Variants in ASCC3 observed in about 807,000 individuals in gnomAD.
ASCC3 encodes activating signal cointegrator 1 complex subunit 3.
A neutral mutation model predicts 256.3 loss-of-function variants in ASCC3; 158 were observed. The ratio of observed to expected loss-of-function variants is 0.62; its 90% CI spans 0.54 to 0.70. The LOEUF is 0.70. Among genes scored for constraint, ASCC3 ranks in the 30% least tolerant of loss-of-function variants. The pLI is 0.00. For synonymous variants in ASCC3, 948 were observed against 883.4 expected (o/e 1.07, Z -1.30); for missense variants, 2,259 against 2,626.0 (o/e 0.86, Z 3.05).
chr6:100,698,439 C>T (rs1778187455), intron 13 of ASCC3, among the ~76,000 whole-genome samples: 1 of 151,930 alleles, frequency 6.6e-6, no homozygotes, highest in African/African-American at 2.4e-5. Context: ...TTTCTCTGCT[C>T]TAAAATCTAA....
intron 24 of ASCC3, among the ~76,000 whole-genome samples, chr6:100,639,146 A>C (rs1774991085): frequency 6.6e-6 from 1 of 152,222 alleles, no homozygotes; most frequent in Admixed American, 6.5e-5. Context: ...AATCTGTCTC[A>C]AGTGGTAAAA....
At chr6:100,853,390 A>G (rs571792228) in intron 3 of ASCC3, among the ~76,000 whole-genome samples, 2 of 151,668 alleles carry the variant, frequency 1.3e-5, no homozygotes, top group South Asian at 4.2e-4. Context: ...TAAAATATCA[A>G]TCACTTGCAT....
intron 33 of ASCC3, among the ~76,000 whole-genome samples, chr6:100,604,772 T>A (rs1021717163): frequency 6.6e-6 from 1 of 152,084 alleles, no homozygotes; most frequent in African/African-American, 2.4e-5. Context: ...ATCAACATTA[T>A]TAGCACTTAT....
At chr6:100,812,146 G>A (rs1770501586) in intron 4 of ASCC3, among the ~76,000 whole-genome samples, 1 of 152,118 alleles carries the variant, frequency 6.6e-6, no homozygotes, top group South Asian at 2.1e-4. Context: ...TTAGCAAAGT[G>A]ATTTAAAAAG....
chr6:100,543,271 T>C (rs975519337), intron 36 of ASCC3, among the ~76,000 whole-genome samples: 2 of 152,174 alleles, frequency 1.3e-5, no homozygotes, highest in African/African-American at 4.8e-5. Context: ...GTTTGGGGAA[T>C]AATGGCAACA....
intron 17 of ASCC3, among the ~76,000 whole-genome samples, chr6:100,654,040 T>A (rs1370852423): frequency 6.6e-6 from 1 of 152,082 alleles, no homozygotes; most frequent in Non-Finnish European, 1.5e-5. Context: ...CTAAAATAAA[T>A]TTTAAAAATC....
chr6:100,551,867 TAGTA>T (rs1250162394), intron 36 of ASCC3, among the ~76,000 whole-genome samples: 31 of 151,974 alleles, frequency 2.0e-4, no homozygotes, highest in Non-Finnish European at 5.9e-5. Context: ...AAGAATGTGG[TAGTA>T]AGTAACTCAT....
At chr6:100,650,424 G>A in intron 20 of ASCC3, 114 bp downstream of exon 20, 4 of 1,020,690 alleles carry the variant, frequency 3.9e-6, no homozygotes, top group Non-Finnish European at 6.1e-6. Context: ...TAAGTAAAAT[G>A]GTGGTTTGGT....
chr6:100,563,905 C>T (rs1046907512), intron 36 of ASCC3, among the ~76,000 whole-genome samples: 2 of 151,846 alleles, frequency 1.3e-5, no homozygotes, highest in African/African-American at 4.8e-5. Flanking sequence ...TGTACTAAGG[C>T]TTTATACATA....
At chr6:100,702,568 T>TA (rs1308568199) in intron 13 of ASCC3, among the ~76,000 whole-genome samples, 3 of 152,016 alleles carry the variant, frequency 2.0e-5, no homozygotes, top group Admixed American at 6.6e-5. Flanking sequence ...TGGGATGGGA[T>TA]AAAACCACAA....
Position 100,848,351 on chromosome 6 carries a change from G to C in ASCC3, c.598C>G (p.Leu200Val). Residue 200 changes from leucine to valine, a missense_variant, in exon 4 of 42, where the codon CTG (leucine) becomes GTG (valine). Around this residue, in one of 2 missense-constraint regions of ASCC3, gnomAD observed 420 missense variants for 419.3 expected, o/e 1.00. Coordinates refer to ENST00000369162, the MANE Select transcript of ASCC3 (RefSeq NM_006828.4). Reference sequence around the variant, plus strand: ...CAAGCCTCCTGGAGATGTTCATTCAGAAACTTCTTATAATCTAGGCTTATA... The same window carrying C: ...CAAGCCTCCTGGAGATGTTCATTCACAAACTTCTTATAATCTAGGCTTATA... ...KTISLDYKKFLNEHLQEACTP... is the reference protein window; with the variant it reads ...KTISLDYKKFVNEHLQEACTP... The C allele has an allele frequency of 6.2e-7, 1 of 1,614,034 alleles. No individual in the cohort carries two copies. The highest frequency in any genetic ancestry group is 8.5e-7 in the Non-Finnish European group (1 of 1,179,988).
chr6:100,598,685 T>A (rs1370078442), intron 34 of ASCC3, among the ~76,000 whole-genome samples: 1 of 152,160 alleles, frequency 6.6e-6, no homozygotes, highest in South Asian at 2.1e-4. Context: ...TGTCTCCAAC[T>A]GTGCTCCTGG....
At chr6:100,558,463 T>C (rs1769741102) in intron 36 of ASCC3, among the ~76,000 whole-genome samples, 2 of 152,172 alleles carry the variant, frequency 1.3e-5, no homozygotes, top group South Asian at 2.1e-4. Context: ...ATGTTCTTTA[T>C]GATGATAGAG....
intron 4 of ASCC3, among the ~76,000 whole-genome samples, chr6:100,820,352 A>G (rs1035479045): frequency 6.6e-6 from 1 of 152,216 alleles, no homozygotes; most frequent in African/African-American, 2.4e-5. Context: ...TGGTCAACCA[A>G]TTTTTTAAAA....
At chr6:100,721,297 T>C (rs1779317522) in intron 11 of ASCC3, among the ~76,000 whole-genome samples, 1 of 151,812 alleles carries the variant, frequency 6.6e-6, no homozygotes, top group Non-Finnish European at 1.5e-5. Flanking sequence ...TGGATGGACA[T>C]GGTCTCTGTA....
intron 8 of ASCC3, among the ~76,000 whole-genome samples, chr6:100,798,096 T>C (rs1174419042): frequency 2.6e-5 from 4 of 152,096 alleles, no homozygotes; most frequent in Non-Finnish European, 4.4e-5. Context: ...AATGATTCTA[T>C]AGAACATACA....
At chr6:100,664,859 C>A (rs932761052) in intron 14 of ASCC3, among the ~76,000 whole-genome samples, 2 of 152,174 alleles carry the variant, frequency 1.3e-5, no homozygotes, top group African/African-American at 4.8e-5. Flanking sequence ...TCAAAGCCAA[C>A]AGAGGAAACT....
At chr6:100,754,878 A>AAG (rs1412403142) in intron 10 of ASCC3, among the ~76,000 whole-genome samples, 1 of 152,048 alleles carries the variant, frequency 6.6e-6, no homozygotes, top group Admixed American at 6.6e-5. Context: ...TGGTTTTATA[A>AAG]AGGGTGGTTC....
chr6:100,799,845 CTTA>C (rs144266891), intron 6 of ASCC3, among the ~76,000 whole-genome samples: 1 of 152,134 alleles, frequency 6.6e-6, no homozygotes, highest in East Asian at 1.9e-4. Context: ...CAAATGTTTA[CTTA>C]TTAAGGTATA....
Sources: allele counts gnomAD v4.1 joint callset (sites outside exome capture counted in the v4.1 genomes callset), GRCh38; gene constraint gnomAD v4.1.1; regional missense constraint gnomAD v4.1.1; transcripts MANE v1.5; gene names NCBI Gene and HGNC (gene_info 2026-07-23, HGNC 2026-07-21).